The following GALNT7 variants were observed in gnomAD, a reference collection of about 807,000 sequenced individuals.
GALNT7 encodes polypeptide N-acetylgalactosaminyltransferase 7.
Under a neutral mutation model 82.1 loss-of-function variants are expected in GALNT7, and 60 were observed. The observed-to-expected ratio is 0.73, with a 90% CI of 0.59 to 0.91. GALNT7 has a LOEUF of 0.91. GALNT7 is among the 40% of genes least tolerant of loss of function. The pLI, the probability that GALNT7 is intolerant of heterozygous loss-of-function variation, is 0.00. For missense variants in GALNT7, 660 were observed against 804.2 expected (o/e 0.82, Z 2.17); for synonymous variants, 243 against 275.1 (o/e 0.88, Z 1.15).
At position 173,218,200 on chromosome 4, in the gene GALNT7, G is replaced by C. The variant is rs112535277; in HGVS notation, c.127-29780G>C. Among the ~76,000 whole-genome samples the C allele has an allele frequency of 2.5e-3, 377 of 152,234 alleles. 2 individuals carry two copies. The highest frequency in any genetic ancestry group is 8.5e-3 in the African/African-American group (352 of 41,540). ...TCTAATCTTAGCATAGACATTTTCT[G>C]TAGATTAGAAGTCATTTCATTTATG... On this transcript the variant is annotated intron_variant, in intron 1 of 11. Coordinates refer to ENST00000265000, the MANE Select transcript of GALNT7 (RefSeq NM_017423.3).
intron 2 of GALNT7, among the ~76,000 whole-genome samples, chr4:173,259,935 G>A (rs1003044974): frequency 2.0e-5 from 3 of 152,174 alleles, no homozygotes; most frequent in Non-Finnish European, 1.5e-5. Context: ...ACCATGCCCG[G>A]CCCATTTCTT....
At chr4:173,194,982 T>A (rs1411404089) in intron 1 of GALNT7, among the ~76,000 whole-genome samples, 1 of 152,240 alleles carries the variant, frequency 6.6e-6, no homozygotes, top group Non-Finnish European at 1.5e-5. Context: ...TTAGCTAAAT[T>A]TCTACTTAGA....
chr4:173,200,424 T>C (rs1305197005), intron 1 of GALNT7, among the ~76,000 whole-genome samples: 2 of 152,160 alleles, frequency 1.3e-5, no homozygotes, highest in African/African-American at 2.4e-5. Flanking sequence ...GGATACTGCT[T>C]TCCAAAATCT....
Position 173,246,923 on chromosome 4 carries a change from C to G in GALNT7, c.127-1057C>G, listed in dbSNP as rs1265505609. ...TGCATTTATTCTGTATGCACCTTGCCTCTTCACCAGCTGTGTCCTCTATAA... is the reference window on the plus strand; with the variant it reads ...TGCATTTATTCTGTATGCACCTTGCGTCTTCACCAGCTGTGTCCTCTATAA... On this transcript the variant is annotated intron_variant, in intron 1 of 11. Coordinates refer to ENST00000265000, the MANE Select transcript of GALNT7 (RefSeq NM_017423.3). Among the ~76,000 whole-genome samples the G allele has an allele frequency of 2.0e-5, 3 of 152,114 alleles. No homozygotes were observed. In the East Asian group the frequency reaches 5.8e-4, roughly 29 times the overall value.
intron 2 of GALNT7, among the ~76,000 whole-genome samples, chr4:173,250,198 C>G (rs945028586): frequency 1.3e-5 from 2 of 152,052 alleles, no homozygotes; most frequent in African/African-American, 4.8e-5. Flanking sequence ...TCCATCACTG[C>G]ACACCTGAGG....
At chr4:173,183,043 A>AACACACACACACAC (rs35043722) in intron 1 of GALNT7, among the ~76,000 whole-genome samples, 25 of 125,096 alleles carry the variant, frequency 2.0e-4, no homozygotes, top group African/African-American at 3.8e-4. Flanking sequence ...CACACACATA[A>AACACACACACACAC]ACACACACAC....
chr4:173,190,542 A>G lies in GALNT7; in HGVS notation c.126+21581A>G, dbSNP rs186168808. 3.3e-3 allele frequency among the ~76,000 whole-genome samples: 501 copies of G among 152,278 alleles called. 1 individual carries two copies. Among genetic ancestry groups the G allele is most frequent in the African/African-American group, 0.012 (481 of 41,548 alleles). The stretch of plus-strand genomic sequence containing the variant: ...CTAGCACAGTTAGCATGGTCTTGGT[A>G]TCTAGTGTAAATCTGATCTTATCCA... On this transcript the variant is annotated intron_variant, in intron 1 of 11. Transcript: ENST00000265000.
chr4:173,182,760 C>T (rs1166227529), intron 1 of GALNT7, among the ~76,000 whole-genome samples: 1 of 148,632 alleles, frequency 6.7e-6, no homozygotes, highest in African/African-American at 2.5e-5. Flanking sequence ...CACACACACA[C>T]ACACAGACAC....
intron 2 of GALNT7, among the ~76,000 whole-genome samples, chr4:173,284,994 GT>G (rs1466076767): frequency 2.0e-5 from 3 of 152,060 alleles, no homozygotes; most frequent in Non-Finnish European, 2.9e-5. Flanking sequence ...TTATTTCAAA[GT>G]TTAATTTACA....
intron 1 of GALNT7, among the ~76,000 whole-genome samples, chr4:173,233,198 G>A (rs1183172785): frequency 6.6e-6 from 1 of 152,190 alleles, no homozygotes; most frequent in Non-Finnish European, 1.5e-5. Context: ...CAGTCAACAT[G>A]ACAGTGCAGG....
chr4:173,195,561 C>G (rs1732749665), intron 1 of GALNT7, among the ~76,000 whole-genome samples: 1 of 152,146 alleles, frequency 6.6e-6, no homozygotes, highest in African/African-American at 2.4e-5. Context: ...CCAATAATAC[C>G]TGAGTATAAC....
At position 173,292,474 on chromosome 4, in the gene GALNT7, C is replaced by CA. The variant is rs1561192559; in HGVS notation, c.754+201dup. Among the ~76,000 whole-genome samples, 1 of 152,142 alleles carries CA rather than the reference C, an allele frequency of 6.6e-6. No individual in the cohort carries two copies. The highest frequency in any genetic ancestry group is 1.5e-5 in the Non-Finnish European group (1 of 68,014). On this transcript the variant is annotated intron_variant, in intron 3 of 11. Coordinates refer to ENST00000265000, the MANE Select transcript of GALNT7 (RefSeq NM_017423.3). This position sits in a 1 kb window ranked among gnomAD's most constrained non-coding sequence, Gnocchi z 4.8. ...TAACAGTAATCCTTTCAGTGGATAT[C>CA]ATTATGTCCATTTTACACGCTCAGA...
At chr4:173,272,480 T>C (rs1472603821) in intron 2 of GALNT7, among the ~76,000 whole-genome samples, 2 of 152,242 alleles carry the variant, frequency 1.3e-5, no homozygotes, top group African/African-American at 4.8e-5. Flanking sequence ...ACATACCATC[T>C]CAGTTGTTAT....
chr4:173,270,424 T>C (rs1038822444), intron 2 of GALNT7, among the ~76,000 whole-genome samples: 1 of 152,194 alleles, frequency 6.6e-6, no homozygotes, highest in African/African-American at 2.4e-5. Flanking sequence ...GGATAATTGA[T>C]GTTCTGCATT....
intron 1 of GALNT7, chr4:173,169,765 G>C (rs1345437628): frequency 1.3e-5 from 2 of 152,026 alleles, no homozygotes; most frequent in African/African-American, 4.8e-5. Context: ...TGCTGTGGCA[G>C]TGCTCGGGCG....
chr4:173,238,697 T>C (rs1734312714), intron 1 of GALNT7, among the ~76,000 whole-genome samples: 1 of 152,222 alleles, frequency 6.6e-6, no homozygotes, highest in Admixed American at 6.5e-5. Context: ...ATATTCACAA[T>C]AAAAAATATT....
chr4:173,252,335 TCTC>T (rs1176018574), intron 2 of GALNT7, among the ~76,000 whole-genome samples: 3 of 152,274 alleles, frequency 2.0e-5, no homozygotes, highest in Non-Finnish European at 2.9e-5. Flanking sequence ...ACAGCCTTGT[TCTC>T]CTGCCTCTGT....
chr4:173,267,610 G>A (rs1424008160), intron 2 of GALNT7, among the ~76,000 whole-genome samples: 1 of 152,182 alleles, frequency 6.6e-6, no homozygotes, highest in Non-Finnish European at 1.5e-5. Context: ...TCAGCAAGCA[G>A]AGCTCACAGA....
intron 2 of GALNT7, among the ~76,000 whole-genome samples, chr4:173,265,325 C>T (rs1419194818): frequency 2.6e-5 from 4 of 152,170 alleles, no homozygotes; most frequent in Non-Finnish European, 5.9e-5. Flanking sequence ...TAAGAAGTGA[C>T]CTTTCCAGAG....
Sources: allele counts gnomAD v4.1 joint callset (sites outside exome capture counted in the v4.1 genomes callset), GRCh38; gene constraint gnomAD v4.1.1; non-coding constraint Gnocchi (gnomAD v3.1); transcripts MANE v1.5; gene names NCBI Gene and HGNC (gene_info 2026-07-23, HGNC 2026-07-21).